Variants in SPATA17 observed in about 807,000 individuals in gnomAD.
SPATA17 encodes the protein spermatogenesis associated 17.
In SPATA17, 53 loss-of-function variants were observed where a neutral mutation model predicts 62.2. The ratio of observed to expected loss-of-function variants is 0.85; its 90% CI spans 0.68 to 1.07. SPATA17 has a LOEUF of 1.07. SPATA17 is among the 50% of genes least tolerant of loss of function. The pLI, the probability that SPATA17 is intolerant of heterozygous loss-of-function variation, is 0.00. For synonymous variants in SPATA17, 146 were observed against 146.8 expected, an observed-to-expected ratio of 0.99 and a Z score of 0.04; for missense variants, 466 against 425.5, an observed-to-expected ratio of 1.10 and a Z score of -0.84.
At chr1:217,840,146 C>A (rs1675357949) in intron 9 of SPATA17, among the ~76,000 whole-genome samples, 1 of 152,094 alleles carries the variant, frequency 6.6e-6, no homozygotes, top group Non-Finnish European at 1.5e-5. Context: ...ATTTGTAAGA[C>A]AGCTAGATAA....
Position 217,774,439 on chromosome 1 carries a change from A to C in SPATA17, c.625A>C (p.Lys209Gln), listed in dbSNP as rs1347884373. 1 of 1,614,134 alleles carries C rather than the reference A, an allele frequency of 6.2e-7. No individual in the cohort carries two copies. Among genetic ancestry groups the C allele is most frequent in the Admixed American group, 1.7e-5 (1 of 60,012 alleles). ...LTHRRPKVKQ[K>Q]DSTSLTDWLA... Reference sequence around the variant, plus strand: ...ACACCGAAGACCTAAAGTTAAGCAGAAGGACTCCACCAGCCTTACTGATTG... The same window carrying C: ...ACACCGAAGACCTAAAGTTAAGCAGCAGGACTCCACCAGCCTTACTGATTG... Residue 209 changes from lysine to glutamine, a missense_variant, in exon 7 of 11, where the codon AAG (lysine) becomes CAG (glutamine). Lys to Gln is a moderately conservative substitution (Grantham distance 53, BLOSUM62 1). Coordinates refer to ENST00000366933, the MANE Select transcript of SPATA17 (RefSeq NM_138796.4).
chr1:217,643,734 AAT>A (rs1491465762), intron 1 of SPATA17, among the ~76,000 whole-genome samples: 2,752 of 146,952 alleles, frequency 0.019, 28 homozygotes, highest in Non-Finnish European at 0.028. Context: ...ATATATATAT[AAT>A]TTTTTTTTTT....
chr1:217,794,300 C>T (rs1003763861), intron 8 of SPATA17, among the ~76,000 whole-genome samples: 1 of 152,094 alleles, frequency 6.6e-6, no homozygotes, highest in East Asian at 1.9e-4. Flanking sequence ...ACTGTAGAAT[C>T]TATAGTCTTC....
chr1:217,832,631 C>T (rs1222631680), intron 9 of SPATA17, among the ~76,000 whole-genome samples: 3 of 152,048 alleles, frequency 2.0e-5, no homozygotes, highest in Admixed American at 2.0e-4. Flanking sequence ...CTTTTTATGA[C>T]ATTCTCACAT....
chr1:217,762,686 A>C (rs1673198857), intron 6 of SPATA17, among the ~76,000 whole-genome samples: 1 of 152,108 alleles, frequency 6.6e-6, no homozygotes, highest in African/African-American at 2.4e-5. Context: ...ACAAAACTAA[A>C]CTAGGCCAGA....
At chr1:217,668,891 T>C (rs1670769235) in intron 3 of SPATA17, 142 bp from the exon 4 acceptor site, 2 of 748,222 alleles carry the variant, frequency 2.7e-6, no homozygotes, top group Non-Finnish European at 2.2e-6. Context: ...ATCTCTTCAA[T>C]ACAACATTTG....
intron 5 of SPATA17, among the ~76,000 whole-genome samples, chr1:217,705,964 AC>A (rs577947398): frequency 3.5e-3 from 528 of 152,312 alleles, no homozygotes; most frequent in Middle Eastern, 0.01. Flanking sequence ...TTATTCCAGC[AC>A]CATTTATTGA....
intron 4 of SPATA17, among the ~76,000 whole-genome samples, chr1:217,677,663 T>C (rs1323490989): frequency 6.6e-6 from 1 of 152,112 alleles, no homozygotes; most frequent in African/African-American, 2.4e-5. Context: ...GGAATAGATA[T>C]TCTAATGTTC....
At chr1:217,676,871 A>G (rs1670958819) in intron 4 of SPATA17, among the ~76,000 whole-genome samples, 1 of 152,222 alleles carries the variant, frequency 6.6e-6, no homozygotes, top group Non-Finnish European at 1.5e-5. Flanking sequence ...TCAAAAGCTT[A>G]CAGAATGTTA....
At chr1:217,782,875 G>GC (rs1414248642) in intron 8 of SPATA17, among the ~76,000 whole-genome samples, 2 of 151,614 alleles carry the variant, frequency 1.3e-5, no homozygotes, top group African/African-American at 4.8e-5. Context: ...TTTCTCTCAG[G>GC]CACTTTCTCT....
chr1:217,809,868 T>A (rs999797432), intron 9 of SPATA17, among the ~76,000 whole-genome samples: 1 of 150,948 alleles, frequency 6.6e-6, no homozygotes, highest in Non-Finnish European at 1.5e-5. Flanking sequence ...CCATTCAGAA[T>A]GTAAGCTAAA....
At chr1:217,697,605 AAT>A (rs1671488857) in intron 5 of SPATA17, among the ~76,000 whole-genome samples, 1 of 152,100 alleles carries the variant, frequency 6.6e-6, no homozygotes, top group African/African-American at 2.4e-5. Flanking sequence ...TTGAAAATAA[AAT>A]ATATTATCTT....
chr1:217,771,163 G>C (rs1673435207), intron 6 of SPATA17, among the ~76,000 whole-genome samples: 1 of 151,052 alleles, frequency 6.6e-6, no homozygotes. Flanking sequence ...GAGATTTCCT[G>C]GGTCTTATTG....
intron 8 of SPATA17, among the ~76,000 whole-genome samples, chr1:217,792,814 C>T (rs1674028712): frequency 6.6e-6 from 1 of 152,166 alleles, no homozygotes; most frequent in Admixed American, 6.5e-5. Flanking sequence ...AAGCAAGAAT[C>T]TCCTCAGATT....
At chr1:217,673,352 A>G (rs1670871892) in intron 4 of SPATA17, among the ~76,000 whole-genome samples, 1 of 152,100 alleles carries the variant, frequency 6.6e-6, no homozygotes, top group Non-Finnish European at 1.5e-5. Context: ...GTGACAGTCA[A>G]TTAATATAGC....
chr1:217,788,580 T>A (rs987647513), intron 8 of SPATA17, among the ~76,000 whole-genome samples: 19 of 152,062 alleles, frequency 1.2e-4, no homozygotes, highest in African/African-American at 4.6e-4. Context: ...TTTGACTACA[T>A]GAAAGGAGGT....
intron 5 of SPATA17, among the ~76,000 whole-genome samples, chr1:217,722,422 TA>T (rs1386041071): frequency 1.3e-5 from 2 of 151,968 alleles, no homozygotes; most frequent in Non-Finnish European, 2.9e-5. Flanking sequence ...ACTTTTTTGA[TA>T]AAAATAATAC....
intron 9 of SPATA17, among the ~76,000 whole-genome samples, chr1:217,826,536 T>G (rs1454528986): frequency 2.0e-5 from 3 of 152,120 alleles, no homozygotes; most frequent in Non-Finnish European, 4.4e-5. Context: ...ATTTCTGATA[T>G]TTATATTCTA....
At chr1:217,730,515 C>A (rs1672379641) in intron 5 of SPATA17, among the ~76,000 whole-genome samples, 1 of 152,028 alleles carries the variant, frequency 6.6e-6, no homozygotes, top group Non-Finnish European at 1.5e-5. Context: ...GCCACCACGC[C>A]CAGCCAAGTT....
Sources: allele counts gnomAD v4.1 joint callset (sites outside exome capture counted in the v4.1 genomes callset), GRCh38; gene constraint gnomAD v4.1.1; transcripts MANE v1.5; gene names NCBI Gene and HGNC (gene_info 2026-07-23, HGNC 2026-07-21).